SUGCT: variants seen among roughly 807,000 people sequenced by gnomAD.
The protein encoded by SUGCT is succinyl-CoA:glutarate-CoA transferase.
SUGCT carries 41 observed loss-of-function variants against 55.0 expected under a neutral mutation model. That is an observed-to-expected ratio of 0.74 (90% CI 0.58 to 0.97). The LOEUF (loss-of-function observed/expected upper bound fraction) is 0.97, where lower values mean the gene tolerates loss of function less well. Ranked by LOEUF, SUGCT falls within the 50% of genes least tolerant of loss-of-function variation. SUGCT has a pLI of 0.00. For synonymous variants in SUGCT, 187 were observed against 200.4 expected (o/e 0.93, Z 0.56); for missense variants, 568 against 547.8 (o/e 1.04, Z -0.37).
At chr7:40,164,423 C>T (rs985412679) in intron 1 of SUGCT, among the ~76,000 whole-genome samples, 10 of 152,116 alleles carry the variant, frequency 6.6e-5, no homozygotes, top group East Asian at 1.9e-4. Flanking sequence ...CCACTGCGCC[C>T]GGCCTGAATT....
the SUGCT span, among the ~76,000 whole-genome samples, chr7:41,035,132 C>T: frequency 6.6e-6 from 1 of 152,246 alleles, no homozygotes; most frequent in Non-Finnish European, 1.5e-5. Context: ...CCAGTGCACA[C>T]AGGCCAAGGC....
chr7:40,803,414 C>T (rs1276518963), intron 13 of SUGCT, among the ~76,000 whole-genome samples: 1 of 152,092 alleles, frequency 6.6e-6, no homozygotes, highest in African/African-American at 2.4e-5. Context: ...TCAACTGTGC[C>T]TAAAATCATG....
At chr7:40,872,536 A>G in the SUGCT span, among the ~76,000 whole-genome samples, 1 of 152,200 alleles carries the variant, frequency 6.6e-6, no homozygotes, top group African/African-American at 2.4e-5. Context: ...AAGTTGTCCA[A>G]GCGACACTGA....
intron 9 of SUGCT, among the ~76,000 whole-genome samples, chr7:40,392,707 G>A (rs1162241778): frequency 6.6e-6 from 1 of 152,082 alleles, no homozygotes; most frequent in Non-Finnish European, 1.5e-5. Context: ...GTGAGGAGAT[G>A]GTTTTAGGAG....
At chr7:40,888,961 G>A in the SUGCT span, among the ~76,000 whole-genome samples, 1 of 152,226 alleles carries the variant, frequency 6.6e-6, no homozygotes. Flanking sequence ...TGTCAGTTAG[G>A]CTGAGACAAA....
chr7:40,987,003 C>T, the SUGCT span, among the ~76,000 whole-genome samples: 2 of 152,022 alleles, frequency 1.3e-5, no homozygotes, highest in African/African-American at 2.4e-5. Flanking sequence ...TTCCTTTATT[C>T]AAAAAAATCT....
chr7:41,017,104 C>T, the SUGCT span, among the ~76,000 whole-genome samples: 1 of 152,192 alleles, frequency 6.6e-6, no homozygotes, highest in Admixed American at 6.5e-5. Flanking sequence ...TTGCTTTCTT[C>T]CTCTCATAAG....
chr7:40,259,908 G>A (rs562491582), intron 7 of SUGCT, among the ~76,000 whole-genome samples: 1 of 152,290 alleles, frequency 6.6e-6, no homozygotes, highest in East Asian at 1.9e-4. Flanking sequence ...TAATTAAGAA[G>A]CAATAGGATA....
intron 13 of SUGCT, among the ~76,000 whole-genome samples, chr7:40,854,419 C>CTTTTCTTT (rs200586474): frequency 4.5e-5 from 4 of 88,804 alleles, no homozygotes; most frequent in African/African-American, 1.4e-4. Context: ...TTCTTTCTTT[C>CTTTTCTTT]CTTTCTTTCT....
the SUGCT span, among the ~76,000 whole-genome samples, chr7:41,000,278 G>GCACGGACACACACA: frequency 3.3e-5 from 5 of 151,738 alleles, no homozygotes; most frequent in Admixed American, 2.0e-4. Flanking sequence ...ACACACACAC[G>GCACGGACACACACA]CACGGACACA....
intron 9 of SUGCT, among the ~76,000 whole-genome samples, chr7:40,390,184 A>G (rs1583578546): frequency 6.6e-6 from 1 of 152,220 alleles, no homozygotes; most frequent in South Asian, 2.1e-4. Flanking sequence ...TATCATACTG[A>G]ATGGGCATAA....
At chr7:40,614,874 GGT>G (rs1290724945) in intron 12 of SUGCT, among the ~76,000 whole-genome samples, 2 of 152,016 alleles carry the variant, frequency 1.3e-5, no homozygotes, top group Non-Finnish European at 2.9e-5. Flanking sequence ...AGGCTAACAT[GGT>G]GAAACCCCAT....
At chr7:40,224,070 A>G (rs1182313437) in intron 6 of SUGCT, among the ~76,000 whole-genome samples, 1 of 152,170 alleles carries the variant, frequency 6.6e-6, no homozygotes, top group Admixed American at 6.5e-5. Context: ...TTTTCTACTC[A>G]AAGATTATGT....
intron 7 of SUGCT, among the ~76,000 whole-genome samples, chr7:40,245,096 C>G (rs1208516302): frequency 6.6e-6 from 1 of 151,898 alleles, no homozygotes; most frequent in South Asian, 2.1e-4. Flanking sequence ...GCTCTGTTGC[C>G]CAGGCTGGAG....
At chr7:40,333,626 G>T (rs2151153552) in intron 9 of SUGCT, among the ~76,000 whole-genome samples, 1 of 94,690 alleles carries the variant, frequency 1.1e-5, no homozygotes, top group Non-Finnish European at 1.9e-5. Flanking sequence ...GACAGGGCGA[G>T]ACTCTGTCTC....
At chr7:40,973,847 T>C in the SUGCT span, among the ~76,000 whole-genome samples, 2 of 152,178 alleles carry the variant, frequency 1.3e-5, no homozygotes, top group African/African-American at 2.4e-5. Flanking sequence ...CCCAAGACAG[T>C]ATTTTGTTTT....
chr7:40,271,650 A>G (rs1792025135), intron 7 of SUGCT, among the ~76,000 whole-genome samples: 1 of 152,054 alleles, frequency 6.6e-6, no homozygotes, highest in Admixed American at 6.6e-5. Flanking sequence ...ACCCATCATC[A>G]CCTTAAATAT....
intron 13 of SUGCT, among the ~76,000 whole-genome samples, chr7:40,798,693 G>C (rs558037557): frequency 6.6e-6 from 1 of 151,954 alleles, no homozygotes; most frequent in African/African-American, 2.4e-5. Context: ...TATGCTTTGC[G>C]CATGCTACTT....
chr7:40,597,237 A>T (rs1798059467), intron 12 of SUGCT, among the ~76,000 whole-genome samples: 1 of 152,220 alleles, frequency 6.6e-6, no homozygotes, highest in South Asian at 2.1e-4. Context: ...TTCCCAAATT[A>T]TTTATCAAAC....
Sources: allele counts gnomAD v4.1 joint callset (sites outside exome capture counted in the v4.1 genomes callset), GRCh38; gene constraint gnomAD v4.1.1; transcripts MANE v1.5; gene names NCBI Gene and HGNC (gene_info 2026-07-23, HGNC 2026-07-21).